The following CNTLN variants were observed in gnomAD, a reference collection of about 807,000 sequenced individuals.
CNTLN encodes the protein centlein, also known as centlein, centrosomal protein.
A neutral mutation model predicts 180.0 loss-of-function variants in CNTLN; 212 were observed. The ratio of observed to expected loss-of-function variants is 1.18; its 90% confidence interval spans 1.05 to 1.32. The LOEUF (loss-of-function observed/expected upper bound fraction) is 1.32. CNTLN is among the 40% of genes most tolerant of loss of function. The pLI is 0.00. For synonymous variants in CNTLN, 722 were observed against 563.1 expected, an observed-to-expected ratio of 1.28 and a Z score of -3.99; for missense variants, 2,095 against 1,610.9, an observed-to-expected ratio of 1.30 and a Z score of -5.14.
rs1346934662 is a variant in CNTLN at position 17,298,229 on chromosome 9, C to T, written c.1023C>T (p.Asn341=). The change falls in exon 7 of 26, where the codon AAC becomes AAT. Residue 341 remains asparagine, a synonymous_variant. Coordinates refer to ENST00000380647, the MANE Select transcript of CNTLN (RefSeq NM_017738.4). ...LQELQNLYKQ[N]STHTAQQAEL... ...AGCTGCAGAATCTTTACAAACAGAA[C>T]AGTACACATACAGCCCAGCAAGCAG... 2 of 1,592,070 alleles carry T rather than the reference C, an allele frequency of 1.3e-6. No homozygotes were observed. Among genetic ancestry groups the T allele is most frequent in the Admixed American group, 1.8e-5 (1 of 56,030 alleles).
At chr9:17,277,751 G>C (rs766018659) in intron 6 of CNTLN, among the ~76,000 whole-genome samples, 4 of 151,988 alleles carry the variant, frequency 2.6e-5, no homozygotes, top group Non-Finnish European at 5.9e-5. Flanking sequence ...TAGGAAATAA[G>C]AATTTACAAT....
At chr9:17,386,835 T>C (rs1320682121) in intron 13 of CNTLN, among the ~76,000 whole-genome samples, 1 of 152,160 alleles carries the variant, frequency 6.6e-6, no homozygotes, top group Non-Finnish European at 1.5e-5. Context: ...ATGAAATATT[T>C]CACTCAGAAG....
chr9:17,387,782 G>A (rs978765110), intron 13 of CNTLN, among the ~76,000 whole-genome samples: 5 of 151,894 alleles, frequency 3.3e-5, no homozygotes, highest in Non-Finnish European at 7.4e-5. Flanking sequence ...TCCTGGCAGG[G>A]AACAAGATCC....
intron 23 of CNTLN, among the ~76,000 whole-genome samples, chr9:17,478,809 T>C (rs1832490944): frequency 6.6e-6 from 1 of 152,242 alleles, no homozygotes; most frequent in African/African-American, 2.4e-5. Context: ...CTGGGTTCTC[T>C]ATTCTGTTCC....
At chr9:17,211,541 C>G (rs1823312628) in intron 2 of CNTLN, among the ~76,000 whole-genome samples, 1 of 152,118 alleles carries the variant, frequency 6.6e-6, no homozygotes, top group South Asian at 2.1e-4. Flanking sequence ...AATGCGGGCT[C>G]TTTTTTGGTT....
intron 8 of CNTLN, among the ~76,000 whole-genome samples, chr9:17,320,640 T>G (rs764508758): frequency 2.6e-5 from 4 of 152,084 alleles, no homozygotes; most frequent in African/African-American, 9.7e-5. Flanking sequence ...GTAGCTGGGA[T>G]TACAGGCACG....
At position 17,403,232 on chromosome 9, in the gene CNTLN, C is replaced by T. The variant is rs1827121846; in HGVS notation, c.2616-6061C>T. ...CCCATTGTATAGATCTTGCCTATTTCACAGCTATCTGAGGGCTTGCTTAAT... is the reference window on the plus strand; with the variant it reads ...CCCATTGTATAGATCTTGCCTATTTTACAGCTATCTGAGGGCTTGCTTAAT... On this transcript the variant is annotated intron_variant, in intron 15 of 25. Coordinates refer to ENST00000380647, the MANE Select transcript of CNTLN (RefSeq NM_017738.4). Among the ~76,000 whole-genome samples the T allele has an allele frequency of 2.0e-5, 3 of 151,716 alleles. 1 individual carries two copies. Among genetic ancestry groups the T allele is most frequent in the African/African-American group, 7.3e-5 (3 of 41,090 alleles).
chr9:17,482,432 T>C (rs1417821327), intron 23 of CNTLN, among the ~76,000 whole-genome samples: 1 of 152,128 alleles, frequency 6.6e-6, no homozygotes, highest in Admixed American at 6.5e-5. Flanking sequence ...AAAACAATCC[T>C]TTGAAACACA....
chr9:17,301,144 T>C, intron 7 of CNTLN: 5 of 985,348 alleles, frequency 5.1e-6, no homozygotes, highest in Non-Finnish European at 4.8e-6. Flanking sequence ...AGAGACAAAT[T>C]AATTTCTGAT....
chr9:17,271,166 C>T (rs940726566), intron 5 of CNTLN, among the ~76,000 whole-genome samples: 4 of 152,004 alleles, frequency 2.6e-5, no homozygotes, highest in African/African-American at 9.7e-5. Context: ...TAGCCTCGAT[C>T]TCCTGACCTC....
intron 5 of CNTLN, among the ~76,000 whole-genome samples, chr9:17,264,909 G>A (rs950815469): frequency 4.0e-5 from 6 of 150,134 alleles, no homozygotes; most frequent in South Asian, 2.2e-4. Context: ...AGACTTTGCC[G>A]AAGTTGCTCA....
At chr9:17,372,347 A>G (rs1371718972) in intron 13 of CNTLN, among the ~76,000 whole-genome samples, 1 of 152,146 alleles carries the variant, frequency 6.6e-6, no homozygotes, top group Non-Finnish European at 1.5e-5. Flanking sequence ...CATATCAGCT[A>G]TATGCCAATA....
At chr9:17,220,432 G>C (rs1466858524) in intron 2 of CNTLN, among the ~76,000 whole-genome samples, 1 of 151,918 alleles carries the variant, frequency 6.6e-6, no homozygotes, top group African/African-American at 2.4e-5. Context: ...TAAGTTTAGG[G>C]GTACATGTGC....
the CNTLN span, among the ~76,000 whole-genome samples, chr9:17,516,147 C>G: frequency 6.6e-6 from 1 of 152,130 alleles, no homozygotes; most frequent in Non-Finnish European, 1.5e-5. Flanking sequence ...TCAAAGACAC[C>G]TCTTTAAAGA....
At chr9:17,246,884 A>T (rs1183815789) in intron 5 of CNTLN, among the ~76,000 whole-genome samples, 2 of 112,404 alleles carry the variant, frequency 1.8e-5, no homozygotes, top group East Asian at 5.4e-4. Flanking sequence ...CCCTCAGAGG[A>T]GTGTTTTTTT....
intron 7 of CNTLN, chr9:17,300,920 A>G (rs1480002215): frequency 2.1e-6 from 2 of 953,802 alleles, no homozygotes; most frequent in African/African-American, 1.8e-5. Flanking sequence ...CATAGATACC[A>G]TTTTACTTCC....
intron 5 of CNTLN, 54 bp downstream of exon 5, chr9:17,236,642 G>C: frequency 7.1e-7 from 1 of 1,405,992 alleles, no homozygotes; most frequent in Non-Finnish European, 9.7e-7. Context: ...CTTTTTCTAG[G>C]AAGTTTAATA....
intron 2 of CNTLN, among the ~76,000 whole-genome samples, chr9:17,200,187 A>G (rs1822425716): frequency 6.6e-6 from 1 of 152,074 alleles, no homozygotes; most frequent in African/African-American, 2.4e-5. Flanking sequence ...ATTCTGTTCC[A>G]TTGGTCTACA....
At chr9:17,252,988 T>C (rs1179731566) in intron 5 of CNTLN, among the ~76,000 whole-genome samples, 1 of 151,686 alleles carries the variant, frequency 6.6e-6, no homozygotes, top group East Asian at 1.9e-4. Flanking sequence ...CATGGTTATC[T>C]AGTTTTTCTA....
Sources: allele counts gnomAD v4.1 joint callset (sites outside exome capture counted in the v4.1 genomes callset), GRCh38; gene constraint gnomAD v4.1.1; transcripts MANE v1.5; gene names NCBI Gene and HGNC (gene_info 2026-07-23, HGNC 2026-07-21).